The following SMYD3 variants were observed in gnomAD, a reference collection of about 807,000 sequenced individuals.
The protein encoded by SMYD3 is histone-lysine N-methyltransferase SMYD3.
Under a neutral mutation model 57.7 loss-of-function variants are expected in SMYD3, and 36 were observed. The observed-to-expected ratio is 0.62, with a 90% confidence interval of 0.48 to 0.82. SMYD3 has a LOEUF of 0.82. Among genes scored for constraint, SMYD3 ranks in the 40% least tolerant of loss-of-function variants. The pLI is 0.00. For missense variants in SMYD3, 515 were observed against 538.8 expected (o/e 0.96, Z 0.44); for synonymous variants, 211 against 195.0 (o/e 1.08, Z -0.68).
intron 5 of SMYD3, among the ~76,000 whole-genome samples, chr1:246,252,221 G>T (rs2486849): frequency 0.087 from 4,405 of 50,602 alleles, 410 homozygotes; most frequent in East Asian, 0.54. Flanking sequence ...AGTAGGTGCC[G>T]CGGACACTGC....
At chr1:246,269,661 C>T (rs1193475504) in intron 5 of SMYD3, among the ~76,000 whole-genome samples, 2 of 151,696 alleles carry the variant, frequency 1.3e-5, no homozygotes, top group Non-Finnish European at 2.9e-5. Flanking sequence ...CTCAACCTCC[C>T]GAGCCCAAGC....
chr1:245,838,361 G>T (rs149561624), intron 10 of SMYD3, among the ~76,000 whole-genome samples: 1 of 152,184 alleles, frequency 6.6e-6, no homozygotes, highest in Non-Finnish European at 1.5e-5. Flanking sequence ...CCTGGGAATA[G>T]GCATCAGTTG....
chr1:245,888,800 G>A (rs553679924), intron 8 of SMYD3, among the ~76,000 whole-genome samples: 1 of 152,178 alleles, frequency 6.6e-6, no homozygotes, highest in Non-Finnish European at 1.5e-5. Context: ...AGGTTTTAAA[G>A]ACAGAGTGAA....
At chr1:246,315,236 T>G (rs778669683) in intron 5 of SMYD3, among the ~76,000 whole-genome samples, 80 of 152,186 alleles carry the variant, frequency 5.3e-4, no homozygotes, top group Non-Finnish European at 8.4e-4. Flanking sequence ...TTCATGAAAT[T>G]TATAGTCTAA....
At chr1:246,278,959 T>C (rs928302061) in intron 5 of SMYD3, among the ~76,000 whole-genome samples, 5 of 152,190 alleles carry the variant, frequency 3.3e-5, no homozygotes, top group Non-Finnish European at 7.3e-5. Context: ...ATGCAGCAAC[T>C]TCTTTAACAA....
chr1:246,077,014 T>G lies in SMYD3; in HGVS notation c.532-147077A>C, dbSNP rs562844671. ...AAAAGTTTGTCCTTGCAGGATGAGG[T>G]TTTCAGAGGTAAGCTGGGGGTGGGG... On this transcript the variant is annotated intron_variant, in intron 5 of 11. Transcript: ENST00000490107. Among the ~76,000 whole-genome samples, 398 of 152,070 alleles carry G rather than the reference T, an allele frequency of 2.6e-3. 4 individuals are homozygous for G. The highest frequency in any genetic ancestry group is 4.1e-3 in the Non-Finnish European group (280 of 67,982).
At chr1:245,851,962 C>A (rs576794279) in intron 10 of SMYD3, among the ~76,000 whole-genome samples, 5 of 152,306 alleles carry the variant, frequency 3.3e-5, no homozygotes, top group African/African-American at 1.2e-4. Flanking sequence ...TGGGTCACCT[C>A]CCCTTCCCAG....
intron 1 of SMYD3, among the ~76,000 whole-genome samples, chr1:246,457,553 AGAAAAG>A (rs2067721663): frequency 2.1e-5 from 2 of 94,834 alleles, no homozygotes; most frequent in African/African-American, 7.6e-5. Context: ...AAAAAAGAAA[AGAAAAG>A]AAAAGAAAAG....
At chr1:246,332,754 G>C (rs7514949) in intron 3 of SMYD3, among the ~76,000 whole-genome samples, 6,241 of 152,262 alleles carry the variant, frequency 0.041, 425 homozygotes, top group African/African-American at 0.14. Context: ...GTTGCAGTGA[G>C]CCAAGCTCAC....
rs539825036 is a variant in SMYD3, at chr1:246,173,924, G to A, written c.531+153277C>T. On this transcript the variant is annotated intron_variant, in intron 5 of 11. Coordinates refer to ENST00000490107, the MANE Select transcript of SMYD3 (RefSeq NM_001167740.2). ...TGGGCTCAAGCTATCCTCCCACCTC[G>A]GCCTCCTGAGTACCCAGGACTACAG... is the stretch of plus-strand genomic sequence containing the variant. Among the ~76,000 whole-genome samples the A allele has an allele frequency of 6.6e-5, 10 of 151,848 alleles. No homozygotes were observed. In the East Asian group the frequency reaches 9.7e-4, roughly 15 times the overall value.
chr1:246,321,862 C>T (rs887039553), intron 5 of SMYD3: 3 of 152,440 alleles, frequency 2.0e-5, no homozygotes, highest in African/African-American at 7.2e-5. Context: ...AATCCTCCCA[C>T]CTCAGCCTCC....
intron 1 of SMYD3, among the ~76,000 whole-genome samples, chr1:246,447,029 C>T (rs1253284487): frequency 9.2e-6 from 1 of 109,148 alleles, no homozygotes; most frequent in Non-Finnish European, 1.9e-5. Flanking sequence ...ACTCCGTCTC[C>T]AAAAAAAAAA....
intron 10 of SMYD3, among the ~76,000 whole-genome samples, chr1:245,776,001 T>C (rs975243771): frequency 2.6e-4 from 40 of 152,096 alleles, no homozygotes; most frequent in African/African-American, 9.4e-4. Context: ...GGTTAAAATA[T>C]GGTAAAAATT....
At chr1:245,969,810 C>A (rs1018222522) in intron 5 of SMYD3, among the ~76,000 whole-genome samples, 1 of 152,200 alleles carries the variant, frequency 6.6e-6, no homozygotes, top group Non-Finnish European at 1.5e-5. Context: ...ATGCTATTAG[C>A]ATTAGTGGCA....
chr1:245,961,479 CA>C (rs1221951134), intron 5 of SMYD3, among the ~76,000 whole-genome samples: 6 of 152,156 alleles, frequency 3.9e-5, no homozygotes, highest in Non-Finnish European at 7.3e-5. Flanking sequence ...TGCAAGTGCT[CA>C]AGATGACTAA....
intron 5 of SMYD3, among the ~76,000 whole-genome samples, chr1:246,051,034 T>C (rs570630516): frequency 2.4e-4 from 37 of 151,996 alleles, no homozygotes; most frequent in African/African-American, 7.7e-4. Context: ...TCAGAAAATA[T>C]GAAATTACGA....
chr1:246,459,432 T>G (rs112971576), intron 1 of SMYD3, among the ~76,000 whole-genome samples: 5 of 143,756 alleles, frequency 3.5e-5, no homozygotes, highest in East Asian at 4.1e-4. Flanking sequence ...ACTTGAGAGT[T>G]TGTGGCACGT....
chr1:246,456,692 C>G (rs185094365), intron 1 of SMYD3, among the ~76,000 whole-genome samples: 1 of 152,118 alleles, frequency 6.6e-6, no homozygotes, highest in East Asian at 1.9e-4. Flanking sequence ...TTTTAATATG[C>G]GAAGAACCCA....
intron 8 of SMYD3, among the ~76,000 whole-genome samples, chr1:245,879,217 G>C (rs1187724611): frequency 3.3e-5 from 5 of 152,186 alleles, no homozygotes; most frequent in African/African-American, 1.2e-4. Context: ...TCACGTTCTA[G>C]AACAACATCT....
Sources: allele counts gnomAD v4.1 joint callset (sites outside exome capture counted in the v4.1 genomes callset), GRCh38; gene constraint gnomAD v4.1.1; transcripts MANE v1.5; gene names NCBI Gene and HGNC (gene_info 2026-07-23, HGNC 2026-07-21).